Variants in RRAS2 observed in about 807,000 individuals in gnomAD.
RRAS2 encodes RAS related 2.
In RRAS2, 7 loss-of-function variants were observed where a neutral mutation model predicts 27.6. The ratio of observed to expected loss-of-function variants is 0.25; its 90% CI spans 0.14 to 0.48. The LOEUF is 0.48. Among genes scored for constraint, RRAS2 ranks in the 20% least tolerant of loss-of-function variants. The pLI is 0.99. For synonymous variants in RRAS2, 86 were observed against 90.9 expected (o/e 0.95, Z 0.31); for missense variants, 178 against 256.2 (o/e 0.69, Z 2.08).
chr11:14,324,370 A>G (rs1848298359), intron 1 of RRAS2, among the ~76,000 whole-genome samples: 1 of 151,672 alleles, frequency 6.6e-6, no homozygotes, highest in African/African-American at 2.4e-5. Context: ...GACTAACTCT[A>G]GTAAAAATAT....
At chr11:14,279,642 C>A (rs1554944022) in intron 5 of RRAS2, among the ~76,000 whole-genome samples, 1 of 152,132 alleles carries the variant, frequency 6.6e-6, no homozygotes, top group African/African-American at 2.4e-5. Context: ...ATGGATGAGT[C>A]CTGAATCAGA....
intron 1 of RRAS2, among the ~76,000 whole-genome samples, chr11:14,314,056 C>A (rs1458548812): frequency 6.6e-6 from 1 of 152,182 alleles, no homozygotes; most frequent in Non-Finnish European, 1.5e-5. Context: ...CTATAAAATT[C>A]ACCTTTAGAA....
chr11:14,319,342 TGTC>T (rs1223461372), intron 1 of RRAS2, among the ~76,000 whole-genome samples: 4 of 116,444 alleles, frequency 3.4e-5, no homozygotes, highest in African/African-American at 1.2e-4. Flanking sequence ...AGGTTCCCTC[TGTC>T]TTTTTTTTTT....
chr11:14,346,962 T>G (rs1485296239), intron 1 of RRAS2, among the ~76,000 whole-genome samples: 1 of 151,990 alleles, frequency 6.6e-6, no homozygotes, highest in South Asian at 2.1e-4. Context: ...TAAGACTAGC[T>G]TGGGCAACAA....
At chr11:14,364,180 A>T (rs1554956466), upstream of RRAS2, among the ~76,000 whole-genome samples, 1 of 152,124 alleles carries the variant, frequency 6.6e-6, no homozygotes, top group African/African-American at 2.4e-5. Flanking sequence ...TGACCATCTC[A>T]TCTGGACTGT....
chr11:14,319,159 T>C (rs1199619261), intron 1 of RRAS2, among the ~76,000 whole-genome samples: 6 of 152,144 alleles, frequency 3.9e-5, no homozygotes, highest in Non-Finnish European at 7.4e-5. Flanking sequence ...ATAAATGTAT[T>C]GCCCCTGCTT....
chr11:14,294,608 A>AT, intron 3 of RRAS2, 29 bp from the exon 4 acceptor site: 7 of 1,526,168 alleles, frequency 4.6e-6, no homozygotes, highest in Non-Finnish European at 6.3e-6. Context: ...AAAACAAATT[A>AT]ATCAATTTGG....
chr11:14,308,898 T>G (rs1847892216), intron 1 of RRAS2, among the ~76,000 whole-genome samples: 1 of 152,238 alleles, frequency 6.6e-6, no homozygotes, highest in South Asian at 2.1e-4. Flanking sequence ...GGGAAAGTTA[T>G]TTAATCTCTT....
rs143440586 is a variant in RRAS2, at chr11:14,299,159, T to G, written c.109-3304A>C. ...AATAAATGTCAACCATAATAATAAC[T>G]ATTGTTTTTGTCATGCAGTTAAATG... On this transcript the variant is annotated intron_variant, in intron 1 of 5. Transcript: ENST00000256196. 2.4e-3 allele frequency among the ~76,000 whole-genome samples: 363 copies of G among 152,336 alleles called. 1 individual carries two copies. The highest frequency in any genetic ancestry group is 3.4e-3 in the Middle Eastern group (1 of 294).
At chr11:14,329,161 A>C (rs1421342557) in intron 1 of RRAS2, among the ~76,000 whole-genome samples, 1 of 151,408 alleles carries the variant, frequency 6.6e-6, no homozygotes, top group East Asian at 1.9e-4. Flanking sequence ...TCCAGGCTGG[A>C]GTCCAATGGC....
At chr11:14,363,094 T>G (rs1482167556), upstream of RRAS2, among the ~76,000 whole-genome samples, 1 of 152,188 alleles carries the variant, frequency 6.6e-6, no homozygotes, top group African/African-American at 2.4e-5. Flanking sequence ...TTGGAAAAAT[T>G]AAGTGGAATA....
chr11:14,340,525 C>A (rs1248425037), intron 1 of RRAS2, among the ~76,000 whole-genome samples: 1 of 152,194 alleles, frequency 6.6e-6, no homozygotes, highest in Non-Finnish European at 1.5e-5. Flanking sequence ...TAACAGACCA[C>A]AGCTTCTACT....
At position 14,294,770 on chromosome 11, in the gene RRAS2, C is replaced by T. The variant is rs1554946327; in HGVS notation, c.289G>A (p.Asp97Asn). The stretch of plus-strand genomic sequence containing the variant: ...TAATATGGTACAAACCTGCCTCTAT[C>T]TGTGACTGAAAAGACCAACAGGAAG... ...EGFLLVFSVT[D>N]RGSFEEIYKF... Residue 97 changes from aspartate (D) to asparagine (N), a missense_variant, in exon 3 of 6, where the codon GAT becomes AAT. Transcript: ENST00000256196. 4.3e-6 allele frequency: 7 copies of T among 1,613,524 alleles called. No homozygotes were observed. The South Asian group carries it at 7.7e-5, about 18-fold the overall frequency.
At chr11:14,360,062 C>G (rs1443477170), upstream of RRAS2, among the ~76,000 whole-genome samples, 2 of 152,128 alleles carry the variant, frequency 1.3e-5, no homozygotes, top group Non-Finnish European at 2.9e-5. Flanking sequence ...GGCCATGCAG[C>G]TGTTCTCTTG....
chr11:14,311,336 G>A (rs1056439102), intron 1 of RRAS2, among the ~76,000 whole-genome samples: 3 of 152,092 alleles, frequency 2.0e-5, no homozygotes, highest in Non-Finnish European at 2.9e-5. Flanking sequence ...AACAGAGCGA[G>A]AATCTGTCTT....
At chr11:14,289,289 GAA>G (rs1554945478) in intron 4 of RRAS2, among the ~76,000 whole-genome samples, 2 of 152,076 alleles carry the variant, frequency 1.3e-5, no homozygotes, top group South Asian at 4.2e-4. Flanking sequence ...AAAAGGAGGG[GAA>G]AAAGAGGGAA....
intron 1 of RRAS2, among the ~76,000 whole-genome samples, chr11:14,346,919 C>A (rs1434643519): frequency 6.6e-6 from 1 of 152,060 alleles, no homozygotes; most frequent in African/African-American, 2.4e-5. Context: ...CTGTGGGAGG[C>A]CAAGGTGGGA....
rs947551963 is a variant in RRAS2 at position 14,293,542 on chromosome 11, T to C, written c.408+929A>G. On this transcript the variant is annotated intron_variant, in intron 4 of 5. Transcript: ENST00000256196. ...CATGGGAGGGACCAGGTGGACATAA[T>C]TGAATCATCCGCGGTTTCCCCCATC... is the stretch of plus-strand genomic sequence containing the variant. 5.9e-5 allele frequency among the ~76,000 whole-genome samples: 9 copies of C among 152,106 alleles called. No individual in the cohort carries two copies. The East Asian group carries it at 1.2e-3, about 20-fold the overall frequency.
At chr11:14,287,162 T>A (rs1849681444) in intron 4 of RRAS2, among the ~76,000 whole-genome samples, 1 of 152,160 alleles carries the variant, frequency 6.6e-6, no homozygotes, top group Admixed American at 6.5e-5. Flanking sequence ...CACTGACAAG[T>A]CTCTAACAAT....
Sources: gnomAD v4.1 joint callset for allele counts (sites outside exome capture counted in the v4.1 genomes callset) on GRCh38, gnomAD v4.1.1 for gene constraint, MANE v1.5 for transcripts, NCBI Gene and HGNC (gene_info 2026-07-23, HGNC 2026-07-21) for gene names.